ALPK2: variants seen among roughly 807,000 people sequenced by gnomAD.
ALPK2 encodes the protein alpha kinase 2, also known as alpha-protein kinase 2.
ALPK2 carries 127 observed loss-of-function variants against 163.1 expected under a neutral mutation model. The observed-to-expected ratio is 0.78, with a 90% confidence interval of 0.67 to 0.90. ALPK2 has a LOEUF of 0.90. Ranked by LOEUF, ALPK2 falls within the 40% of genes least tolerant of loss-of-function variation. The pLI is 0.00. For missense variants in ALPK2, 2,360 were observed against 2,589.6 expected, an observed-to-expected ratio of 0.91 and a Z score of 1.92; for synonymous variants, 953 against 959.1, an observed-to-expected ratio of 0.99 and a Z score of 0.12.
At chr18:58,499,465 G>A (rs1436592630) in intron 11 of ALPK2, among the ~76,000 whole-genome samples, 4 of 152,174 alleles carry the variant, frequency 2.6e-5, no homozygotes, top group African/African-American at 9.7e-5. Context: ...AGGTCTAGTG[G>A]AAAGTAAAGC....
intron 3 of ALPK2, among the ~76,000 whole-genome samples, chr18:58,603,204 C>G (rs1410286528): frequency 6.6e-6 from 1 of 152,188 alleles, no homozygotes; most frequent in East Asian, 1.9e-4. Flanking sequence ...GATTGGAACC[C>G]CTTTTCCGTA....
intron 10 of ALPK2, among the ~76,000 whole-genome samples, chr18:58,507,679 A>G (rs2051468774): frequency 6.6e-6 from 1 of 152,324 alleles, no homozygotes; most frequent in African/African-American, 2.4e-5. Context: ...CCACCTTTGC[A>G]AAGACTGTAA....
chr18:58,491,811 C>G (rs35547576), intron 12 of ALPK2, among the ~76,000 whole-genome samples: 60,565 of 152,182 alleles, frequency 0.4, 12,635 homozygotes, highest in South Asian at 0.46. Flanking sequence ...ACTTGTGGGG[C>G]GGTTACAGGA....
At chr18:58,601,021 C>T (rs1396647690) in intron 3 of ALPK2, among the ~76,000 whole-genome samples, 1 of 152,152 alleles carries the variant, frequency 6.6e-6, no homozygotes, top group Non-Finnish European at 1.5e-5. Context: ...TTTGGGAGGC[C>T]GAGGTGGGCA....
intron 4 of ALPK2, among the ~76,000 whole-genome samples, chr18:58,556,169 TCA>T (rs33920285): frequency 2.7e-5 from 4 of 149,014 alleles, no homozygotes; most frequent in African/African-American, 7.6e-5. Context: ...GGACTAGATC[TCA>T]CACACACACA....
At chr18:58,618,793 C>T (rs1276164404) in intron 1 of ALPK2, among the ~76,000 whole-genome samples, 1 of 152,100 alleles carries the variant, frequency 6.6e-6, no homozygotes, top group East Asian at 1.9e-4. Context: ...TGCACCCCTG[C>T]AATCTGCATC....
In ALPK2 at chr18:58,580,503, G is replaced by C. The variant is rs749338615; in HGVS notation, c.273C>G (p.Asn91Lys). ...CAGAACAACAGATCATTCCAAAAGA[G>C]TTTTTAGCCGAGATTTGATAGACAG... Reference protein sequence around the residue: ...DAAVYQISAKNSFGMICCSAS... With the variant: ...DAAVYQISAKKSFGMICCSAS... The change falls in exon 4 of 13, where the codon AAC (asparagine) becomes AAG (lysine). Residue 91 changes from asparagine to lysine, a missense_variant. Asn to Lys is a moderately conservative substitution (Grantham distance 94). Coordinates refer to ENST00000361673, the MANE Select transcript of ALPK2 (RefSeq NM_052947.4). 1.2e-5 allele frequency: 20 copies of C among 1,614,042 alleles called. No individual in the cohort carries two copies. The highest frequency in any genetic ancestry group is 1.7e-5 in the Non-Finnish European group (20 of 1,179,966).
intron 3 of ALPK2, among the ~76,000 whole-genome samples, chr18:58,594,092 C>T (rs1213277783): frequency 6.6e-6 from 1 of 151,782 alleles, no homozygotes. Flanking sequence ...GACTCTTGTA[C>T]AATAGCGAAC....
chr18:58,489,016 G>C (rs2051356502), intron 12 of ALPK2, among the ~76,000 whole-genome samples: 1 of 152,196 alleles, frequency 6.6e-6, no homozygotes, highest in Non-Finnish European at 1.5e-5. Context: ...TAATTAATAA[G>C]CGGAGCGGCA....
chr18:58,625,133 C>T (rs1053665724), intron 1 of ALPK2, among the ~76,000 whole-genome samples: 2 of 152,072 alleles, frequency 1.3e-5, no homozygotes, highest in Non-Finnish European at 2.9e-5. Context: ...GGTTTTCAAA[C>T]CCCTAGCTCA....
chr18:58,519,807 T>A (rs1389424306), intron 8 of ALPK2, among the ~76,000 whole-genome samples: 2 of 152,154 alleles, frequency 1.3e-5, no homozygotes, highest in Non-Finnish European at 2.9e-5. Context: ...TCTGCAGAAA[T>A]CTGAAAGGAC....
rs370040162 is a variant in ALPK2 at position 58,533,971 on chromosome 18, G to A, written c.5353+863C>T. Reference sequence around the variant, plus strand: ...TCTGATCAGCCATCCGTAGCTTTTCGCTCCAGAGCACACAGGCCACTGTAG... The same window carrying A: ...TCTGATCAGCCATCCGTAGCTTTTCACTCCAGAGCACACAGGCCACTGTAG... On this transcript the variant is annotated intron_variant, in intron 5 of 12. Transcript: ENST00000361673. 9.2e-5 allele frequency among the ~76,000 whole-genome samples: 14 copies of A among 152,040 alleles called. No homozygotes were observed. In the East Asian group the frequency reaches 1.7e-3, roughly 19 times the overall value.
At chr18:58,508,598 AT>A (rs1209843412) in intron 10 of ALPK2, among the ~76,000 whole-genome samples, 2 of 152,242 alleles carry the variant, frequency 1.3e-5, no homozygotes, top group African/African-American at 4.8e-5. Context: ...CACCAGTGCC[AT>A]AACAGTTTAC....
intron 1 of ALPK2, among the ~76,000 whole-genome samples, chr18:58,615,797 G>C (rs1012536295): frequency 1.3e-5 from 2 of 152,226 alleles, no homozygotes; most frequent in Non-Finnish European, 2.9e-5. Context: ...TCAAGAGCTG[G>C]GCTGACGTTG....
chr18:58,526,414 A>C (rs1568074655), intron 6 of ALPK2, among the ~76,000 whole-genome samples: 5 of 152,216 alleles, frequency 3.3e-5, no homozygotes, highest in Admixed American at 3.3e-4. Context: ...AGGGCCATCC[A>C]AGGAGATCCT....
intron 3 of ALPK2, among the ~76,000 whole-genome samples, chr18:58,583,625 G>A (rs1490042940): frequency 4.6e-5 from 7 of 150,988 alleles, no homozygotes. Context: ...ACCTGCCTGG[G>A]AAACATGGCA....
chr18:58,536,433 G>T lies in ALPK2; in HGVS notation c.3754C>A (p.Arg1252=), dbSNP rs757636331. Residue 1252 remains arginine, a synonymous_variant, in exon 5 of 13, where the codon CGA becomes AGA. Coordinates refer to ENST00000361673, the MANE Select transcript of ALPK2 (RefSeq NM_052947.4). Reference sequence around the variant, plus strand: ...TTGCTCTCAGAATTTGTCAGTTGTCGTGGTGGCCAGATTTCAGAAGCGGAA... The same window carrying T: ...TTGCTCTCAGAATTTGTCAGTTGTCTTGGTGGCCAGATTTCAGAAGCGGAA... ...EASASEIWPP[R]QLTNSESKAS... 42 of 1,613,998 alleles carry T rather than the reference G, an allele frequency of 2.6e-5. 1 individual carries two copies. In the Admixed American group the frequency reaches 5.8e-4, roughly 22 times the overall value.
intron 10 of ALPK2, among the ~76,000 whole-genome samples, chr18:58,514,227 C>T (rs772599011): frequency 1.3e-5 from 2 of 152,148 alleles, no homozygotes; most frequent in Admixed American, 6.5e-5. Context: ...AATGTACCAC[C>T]CAAGGGAAAC....
chr18:58,560,702 G>A (rs2051821557), intron 4 of ALPK2, among the ~76,000 whole-genome samples: 1 of 152,140 alleles, frequency 6.6e-6, no homozygotes. Context: ...GTCTTTGGAG[G>A]GAATTATTCT....
Sources: allele counts gnomAD v4.1 joint callset (sites outside exome capture counted in the v4.1 genomes callset), GRCh38; gene constraint gnomAD v4.1.1; transcripts MANE v1.5; gene names NCBI Gene and HGNC (gene_info 2026-07-23, HGNC 2026-07-21).